Variants in UIMC1 observed in about 807,000 individuals in gnomAD.
The protein encoded by UIMC1 is ubiquitin interaction motif containing 1, also known as BRCA1-A complex subunit RAP80.
Under a neutral mutation model 84.9 loss-of-function variants are expected in UIMC1, and 42 were observed. The ratio of observed to expected loss-of-function variants is 0.49; its 90% CI spans 0.39 to 0.64. The LOEUF is 0.64. Ranked by LOEUF, UIMC1 falls within the 30% of genes least tolerant of loss-of-function variation. The pLI, the probability that UIMC1 is intolerant of heterozygous loss-of-function variation, is 0.00. For missense variants in UIMC1, 825 were observed against 847.6 expected (o/e 0.97, Z 0.33); for synonymous variants, 281 against 293.0 (o/e 0.96, Z 0.42).
intron 7 of UIMC1, among the ~76,000 whole-genome samples, chr5:176,957,210 C>T (rs1766717704): frequency 6.6e-6 from 1 of 151,994 alleles, no homozygotes; most frequent in Admixed American, 6.6e-5. Flanking sequence ...ATTCTTTAGC[C>T]CAGGAAGGAA....
chr5:176,925,030 CAAA>C (rs749987567), intron 10 of UIMC1, among the ~76,000 whole-genome samples: 2 of 52,966 alleles, frequency 3.8e-5, no homozygotes, highest in Admixed American at 2.0e-4. Flanking sequence ...GACTCTGCCT[CAAA>C]AAAAAAAAAA....
chr5:176,947,119 ACTTGT>A, intron 9 of UIMC1, among the ~76,000 whole-genome samples: 1 of 152,336 alleles, frequency 6.6e-6, no homozygotes, highest in East Asian at 1.9e-4. Flanking sequence ...GGGAGTAGTC[ACTTGT>A]CTTATTATGA....
Position 176,926,553 on chromosome 5 carries a change from C to CT in UIMC1, c.1598-15165dup, listed in dbSNP as rs1260044606. ...TAGGGAGGCTGAGGTGGGAGGACTG[C>CT]TGGAGCCCAGGAGTTCAAGGTTACA... On this transcript the variant is annotated intron_variant, in intron 10 of 14. Transcript: ENST00000511320. Among the ~76,000 whole-genome samples the CT allele has an allele frequency of 2.6e-5, 4 of 151,998 alleles. No individual in the cohort carries two copies. In the East Asian group the frequency reaches 7.7e-4, roughly 29 times the overall value.
In UIMC1 at chr5:176,926,998, A is replaced by G. The variant is rs556372559; in HGVS notation, c.1598-15609T>C. ...TAAGGTTCCTGCAAAGATCAGGTAA[A>G]ATAAGAGTTACTGCATAAGCGCATA... On this transcript the variant is annotated intron_variant, in intron 10 of 14. Transcript: ENST00000511320. Among the ~76,000 whole-genome samples the G allele has an allele frequency of 3.3e-5, 5 of 152,276 alleles. No individual in the cohort carries two copies. The East Asian group carries it at 9.6e-4, about 29-fold the overall frequency.
At position 176,937,774 on chromosome 5, in the gene UIMC1, G is replaced by A. The variant is rs541362937; in HGVS notation, c.1597+5561C>T. ...GCCAAACCAAGCACGTCTAGGATCC[G>A]CTTCAGGGGAAGACAGGAAGGAGTG... On this transcript the variant is annotated intron_variant, in intron 10 of 14. Coordinates refer to ENST00000511320, the MANE Select transcript of UIMC1 (RefSeq NM_001199298.2). Among the ~76,000 whole-genome samples the A allele has an allele frequency of 3.9e-5, 6 of 152,294 alleles. No individual in the cohort carries two copies. The East Asian group carries it at 7.7e-4, about 20-fold the overall frequency.
At position 176,905,028 on chromosome 5, in the gene UIMC1, T is replaced by C. The variant is rs1447203169; in HGVS notation, c.*254A>G. On this transcript the variant is annotated 3_prime_UTR_variant, in exon 15 of 15. Transcript: ENST00000511320. Reference sequence around the variant, plus strand: ...AAATTAAAATTTCCATCTATTGAAATAAGATTTCGTACAAACATAAATATA... The same window carrying C: ...AAATTAAAATTTCCATCTATTGAAACAAGATTTCGTACAAACATAAATATA... 5.9e-6 allele frequency: 2 copies of C among 336,978 alleles called. No individual in the cohort carries two copies. The highest frequency in any genetic ancestry group is 1.1e-5 in the Non-Finnish European group (2 of 185,432). The allele number at this position is 336,978 out of a possible 1,614,324, so 20.9% of individuals were successfully genotyped here.
intron 10 of UIMC1, among the ~76,000 whole-genome samples, chr5:176,929,971 A>G (rs1423196152): frequency 6.6e-6 from 1 of 152,232 alleles, no homozygotes; most frequent in African/African-American, 2.4e-5. Flanking sequence ...AAAAGACTGA[A>G]TTTGTCTGAA....
intron 10 of UIMC1, among the ~76,000 whole-genome samples, chr5:176,914,482 G>A (rs1422125171): frequency 6.6e-6 from 1 of 152,182 alleles, no homozygotes; most frequent in Non-Finnish European, 1.5e-5. Flanking sequence ...CAAGTAATTT[G>A]GGGAGATATA....
At chr5:176,979,039 C>G (rs1212809012) in intron 2 of UIMC1, among the ~76,000 whole-genome samples, 1 of 152,164 alleles carries the variant, frequency 6.6e-6, no homozygotes, top group East Asian at 1.9e-4. Context: ...AAATGCCTAC[C>G]TAAAATACCC....
intron 11 of UIMC1, among the ~76,000 whole-genome samples, 183 bp downstream of exon 11, chr5:176,911,108 GAGAGAAGAAAAGAAAAGAAA>G (rs1561712014): frequency 1.8e-5 from 2 of 111,326 alleles, no homozygotes; most frequent in African/African-American, 6.7e-5. Context: ...AAAAGAGAGA[GAGAGAAGAAAAGAAAAGAAA>G]AGAAAAGAAA....
At chr5:176,937,405 G>C (rs1581447054) in intron 10 of UIMC1, among the ~76,000 whole-genome samples, 1 of 152,174 alleles carries the variant, frequency 6.6e-6, no homozygotes. Context: ...TGAGACAGGA[G>C]AATGGCATGA....
intron 1 of UIMC1, among the ~76,000 whole-genome samples, 188 bp from the exon 2 acceptor site, chr5:176,982,811 T>C (rs986723431): frequency 5.3e-5 from 8 of 152,248 alleles, no homozygotes; most frequent in African/African-American, 1.9e-4. Context: ...GCAATCCTCC[T>C]GCCTCAGCCT....
chr5:177,011,732 G>A (rs147633935), upstream of UIMC1, among the ~76,000 whole-genome samples: 1,397 of 152,150 alleles, frequency 9.2e-3, 7 homozygotes, highest in South Asian at 0.025. Flanking sequence ...GATGTGTTGC[G>A]GGAAGTCAGG....
At chr5:176,983,295 C>T (rs1771333213) in intron 1 of UIMC1, among the ~76,000 whole-genome samples, 1 of 151,920 alleles carries the variant, frequency 6.6e-6, no homozygotes, top group Non-Finnish European at 1.5e-5. Context: ...CTGATACTGC[C>T]ACGATCTTGG....
At chr5:176,953,433 A>C (rs533770339) in intron 8 of UIMC1, among the ~76,000 whole-genome samples, 1 of 151,548 alleles carries the variant, frequency 6.6e-6, no homozygotes, top group African/African-American at 2.4e-5. Flanking sequence ...GAAAGGATTA[A>C]ATACATTTCT....
At position 176,908,510 on chromosome 5, in the gene UIMC1, A is replaced by C. The variant is rs1581328533; in HGVS notation, c.1848+13T>G. Reference sequence around the variant, plus strand: ...AGGGTTAGGTGGCCTTTCCCAAAACACTCTACACATACCTTTGGGTTCTTC... The same window carrying C: ...AGGGTTAGGTGGCCTTTCCCAAAACCCTCTACACATACCTTTGGGTTCTTC... On this transcript the variant is annotated intron_variant, in intron 12 of 14. Coordinates refer to ENST00000511320, the MANE Select transcript of UIMC1 (RefSeq NM_001199298.2). 6.2e-7 allele frequency: 1 copy of C among 1,610,168 alleles called. No individual in the cohort carries two copies. Among genetic ancestry groups the C allele is most frequent in the Non-Finnish European group, 8.5e-7 (1 of 1,178,404 alleles).
chr5:176,911,112 GAAGAAAAGAA>G (rs35830185), intron 11 of UIMC1, among the ~76,000 whole-genome samples, 189 bp downstream of exon 11: 15,760 of 116,174 alleles, frequency 0.14, 1,200 homozygotes, highest in African/African-American at 0.16. Context: ...GAGAGAGAGA[GAAGAAAAGAA>G]AAGAAAAGAA....
chr5:177,018,338 A>T (rs1775715135), intron 1 of UIMC1, among the ~76,000 whole-genome samples: 1 of 144,034 alleles, frequency 6.9e-6, no homozygotes. Flanking sequence ...TGACAGAGTG[A>T]GACTCTGTCT....
chr5:176,966,825 T>TCTA (rs59817758), intron 6 of UIMC1, among the ~76,000 whole-genome samples: 14,824 of 152,156 alleles, frequency 0.097, 1,500 homozygotes, highest in African/African-American at 0.26. Context: ...GACTACTTTC[T>TCTA]CTACTATATA....
Sources: allele counts gnomAD v4.1 joint callset (sites outside exome capture counted in the v4.1 genomes callset), GRCh38; gene constraint gnomAD v4.1.1; transcripts MANE v1.5; gene names NCBI Gene and HGNC (gene_info 2026-07-23, HGNC 2026-07-21).